SDK1: variants seen among roughly 807,000 people sequenced by gnomAD.
SDK1 encodes protein sidekick-1.
In SDK1, 157 loss-of-function variants were observed where a neutral mutation model predicts 245.5. The observed-to-expected ratio is 0.64, with a 90% confidence interval of 0.56 to 0.73. The LOEUF is 0.73. Ranked by LOEUF, SDK1 falls within the 30% of genes least tolerant of loss-of-function variation. The pLI, the probability that SDK1 is intolerant of heterozygous loss-of-function variation, is 0.00. For missense variants in SDK1, 3,583 were observed against 3,002.3 expected, an observed-to-expected ratio of 1.19 and a Z score of -4.52; for synonymous variants, 1,647 against 1,278.5, an observed-to-expected ratio of 1.29 and a Z score of -6.15.
At chr7:4,254,312 TAA>T (rs1224048135) in intron 44 of SDK1, among the ~76,000 whole-genome samples, 1 of 152,186 alleles carries the variant, frequency 6.6e-6, no homozygotes, top group African/African-American at 2.4e-5. Flanking sequence ...TGTCCATTTT[TAA>T]AAGTCTTTTC....
At chr7:3,390,831 T>G (rs374058826) in intron 1 of SDK1, among the ~76,000 whole-genome samples, 1 of 152,198 alleles carries the variant, frequency 6.6e-6, no homozygotes, top group Non-Finnish European at 1.5e-5. Flanking sequence ...GCTGAGAGAA[T>G]AAATATCTGT....
intron 22 of SDK1, among the ~76,000 whole-genome samples, chr7:4,106,592 G>A (rs935989335): frequency 3.9e-5 from 6 of 152,118 alleles, no homozygotes; most frequent in South Asian, 4.1e-4. Context: ...CACCGCGCCC[G>A]GCCAGCCCCC....
At chr7:3,588,930 T>C (rs779399208) in intron 1 of SDK1, among the ~76,000 whole-genome samples, 4 of 152,236 alleles carry the variant, frequency 2.6e-5, no homozygotes, top group Non-Finnish European at 4.4e-5. Context: ...ATCAAAGTTG[T>C]TATATACTAC....
chr7:4,116,414 G>A (rs1783713257), intron 25 of SDK1, among the ~76,000 whole-genome samples: 1 of 152,218 alleles, frequency 6.6e-6, no homozygotes. Flanking sequence ...CGTGCCCAGT[G>A]CATCTGCACG....
At position 4,145,860 on chromosome 7, in the gene SDK1, C is replaced by T. The variant is rs761730547; in HGVS notation, c.4367C>T (p.Thr1456Met). ...SAYIFRLSAK[T>M]RQGWGEPLEA... is the part of the protein sequence containing the mutation. ...TACATCTTCAGGCTGTCCGCCAAGA[C>T]GAGGCAGGGCTGGGGGGAGCCACTG... is the stretch of plus-strand genomic sequence containing the variant. The change falls in exon 29 of 45, where the codon ACG becomes ATG. Residue 1456 changes from threonine to methionine, a missense_variant. Physicochemically the swap from Thr to Met is moderately conservative, Grantham distance 81 (BLOSUM62 -1). Transcript: ENST00000404826. 15 of 1,613,524 alleles carry T rather than the reference C, an allele frequency of 9.3e-6. No individual in the cohort carries two copies. The highest frequency in any genetic ancestry group is 2.2e-5 in the East Asian group (1 of 44,886).
chr7:4,176,829 G>A (rs1782244469), intron 34 of SDK1, among the ~76,000 whole-genome samples: 1 of 152,182 alleles, frequency 6.6e-6, no homozygotes, highest in African/African-American at 2.4e-5. Flanking sequence ...AGTCAAGACT[G>A]AATAATATCC....
chr7:3,544,646 G>A (rs776393233), intron 1 of SDK1, among the ~76,000 whole-genome samples: 3 of 152,188 alleles, frequency 2.0e-5, no homozygotes, highest in Non-Finnish European at 1.5e-5. Flanking sequence ...AATCCTCTTT[G>A]TACCAAAGCA....
At chr7:4,006,874 A>T (rs1785522605) in intron 14 of SDK1, among the ~76,000 whole-genome samples, 1 of 152,218 alleles carries the variant, frequency 6.6e-6, no homozygotes, top group Admixed American at 6.5e-5. Context: ...GGAGTGAACA[A>T]ACAGCCAGGA....
chr7:4,176,204 C>T (rs917181), intron 34 of SDK1, among the ~76,000 whole-genome samples: 81,118 of 150,424 alleles, frequency 0.54, 22,693 homozygotes, highest in East Asian at 0.7. Flanking sequence ...ACTCTGTTGC[C>T]GAGGCTGGAG....
At chr7:3,724,257 G>A (rs994953095) in intron 4 of SDK1, among the ~76,000 whole-genome samples, 8 of 151,868 alleles carry the variant, frequency 5.3e-5, no homozygotes, top group African/African-American at 1.2e-4. Flanking sequence ...GAACCACTGC[G>A]CCCAGCCAAA....
intron 5 of SDK1, among the ~76,000 whole-genome samples, chr7:3,929,169 A>G (rs1296946177): frequency 1.3e-5 from 2 of 152,198 alleles, no homozygotes; most frequent in Non-Finnish European, 2.9e-5. Context: ...TTAAACGGTT[A>G]TCTGAAGTTG....
chr7:3,714,611 C>G (rs540511703), intron 4 of SDK1, among the ~76,000 whole-genome samples: 1 of 152,170 alleles, frequency 6.6e-6, no homozygotes, highest in Non-Finnish European at 1.5e-5. Flanking sequence ...TGAAAATGGT[C>G]CTGAGGCCTT....
At chr7:3,483,384 A>G (rs1025916923) in intron 1 of SDK1, among the ~76,000 whole-genome samples, 3 of 152,150 alleles carry the variant, frequency 2.0e-5, no homozygotes, top group African/African-American at 4.8e-5. Flanking sequence ...AATTGGCTAT[A>G]TTGAAGATGT....
At position 3,679,251 on chromosome 7, in the gene SDK1, T is replaced by C. The variant is rs1189749765; in HGVS notation, c.713+37146T>C. Among the ~76,000 whole-genome samples the C allele has an allele frequency of 1.3e-5, 2 of 152,270 alleles. 1 individual carries two copies. The highest frequency in any genetic ancestry group is 4.2e-4 in the South Asian group (2 of 4,812). ...TCTGTGAAGAACTCCTAAAATTCAATAGTAAAAATTCCTATTAGAAAATGG... is the reference window on the plus strand; with the variant it reads ...TCTGTGAAGAACTCCTAAAATTCAACAGTAAAAATTCCTATTAGAAAATGG... On this transcript the variant is annotated intron_variant, in intron 4 of 44. Coordinates refer to ENST00000404826, the MANE Select transcript of SDK1 (RefSeq NM_152744.4).
At chr7:3,993,349 TC>T (rs1369982163) in intron 14 of SDK1, among the ~76,000 whole-genome samples, 2 of 152,136 alleles carry the variant, frequency 1.3e-5, no homozygotes, top group African/African-American at 2.4e-5. Flanking sequence ...TAAGTCTTTT[TC>T]TTATGATTTT....
intron 40 of SDK1, among the ~76,000 whole-genome samples, chr7:4,226,236 C>T (rs1406139589): frequency 6.6e-6 from 1 of 152,202 alleles, no homozygotes; most frequent in Non-Finnish European, 1.5e-5. Context: ...TGGGAGGGGC[C>T]ACACAGGGGC....
intron 4 of SDK1, among the ~76,000 whole-genome samples, chr7:3,705,163 G>T (rs187632984): frequency 4.9e-4 from 74 of 151,908 alleles, no homozygotes; most frequent in Admixed American, 7.2e-4. Context: ...ATTGCTTTGG[G>T]TCTTAGGGCT....
At chr7:3,335,225 C>T (rs977359410) in intron 1 of SDK1, among the ~76,000 whole-genome samples, 1 of 152,176 alleles carries the variant, frequency 6.6e-6, no homozygotes, top group Non-Finnish European at 1.5e-5. Context: ...TACTATTGCA[C>T]TTAGAATACA....
intron 1 of SDK1, among the ~76,000 whole-genome samples, chr7:3,381,533 A>G (rs1251316899): frequency 6.6e-6 from 1 of 152,124 alleles, no homozygotes; most frequent in Non-Finnish European, 1.5e-5. Flanking sequence ...CTGGGGCTCA[A>G]GAAAAGCCTT....
Sources: allele counts gnomAD v4.1 joint callset (sites outside exome capture counted in the v4.1 genomes callset), GRCh38; gene constraint gnomAD v4.1.1; transcripts MANE v1.5; gene names NCBI Gene and HGNC (gene_info 2026-07-23, HGNC 2026-07-21).